The following FIP1L1 variants were observed in gnomAD, a reference collection of about 807,000 sequenced individuals.
FIP1L1 encodes the protein pre-mRNA 3'-end-processing factor FIP1.
FIP1L1 carries 21 observed loss-of-function variants against 84.6 expected under a neutral mutation model. That is an observed-to-expected ratio of 0.25 (90% confidence interval 0.18 to 0.36). The LOEUF (loss-of-function observed/expected upper bound fraction) is 0.36, where lower values mean the gene tolerates loss of function less well. Ranked by LOEUF, FIP1L1 falls within the 10% of genes least tolerant of loss-of-function variation. The pLI is 1.00. For synonymous variants in FIP1L1, 263 were observed against 242.3 expected (o/e 1.09, Z -0.80); for missense variants, 526 against 751.1 (o/e 0.70, Z 3.50).
chr4:53,410,126 C>T (rs1449489521), intron 10 of FIP1L1, among the ~76,000 whole-genome samples: 4 of 152,358 alleles, frequency 2.6e-5, no homozygotes, highest in African/African-American at 4.8e-5. Context: ...CCTATTTGGC[C>T]ACCTTGGCTC....
At chr4:53,406,326 T>C (rs1241602172) in intron 10 of FIP1L1, among the ~76,000 whole-genome samples, 2 of 152,232 alleles carry the variant, frequency 1.3e-5, no homozygotes, top group Non-Finnish European at 2.9e-5. Flanking sequence ...GATTTTCGTA[T>C]ATTGAACCAG....
intron 13 of FIP1L1, among the ~76,000 whole-genome samples, chr4:53,440,109 A>G (rs898722412): frequency 1.3e-5 from 2 of 152,046 alleles, no homozygotes; most frequent in East Asian, 1.9e-4. Context: ...AGAACAGTCA[A>G]CACTTGAATG....
chr4:53,435,318 A>G (rs1768635172), intron 13 of FIP1L1, among the ~76,000 whole-genome samples: 1 of 152,174 alleles, frequency 6.6e-6, no homozygotes, highest in Non-Finnish European at 1.5e-5. Flanking sequence ...TGCACCCTTT[A>G]TAATAGTTAC....
At chr4:53,449,109 T>C (rs1775393860) in intron 15 of FIP1L1, among the ~76,000 whole-genome samples, 1 of 152,086 alleles carries the variant, frequency 6.6e-6, no homozygotes, top group South Asian at 2.1e-4. Flanking sequence ...TTTTGTTTTG[T>C]TTATTTGTTC....
intron 5 of FIP1L1, among the ~76,000 whole-genome samples, chr4:53,385,002 T>C (rs1740155231): frequency 6.6e-6 from 1 of 152,198 alleles, no homozygotes; most frequent in Non-Finnish European, 1.5e-5. Context: ...TAGTCAGTTT[T>C]GTATTATAAT....
At chr4:53,406,899 TTTTCTTCTTTATTAGTC>T (rs1482695444) in intron 10 of FIP1L1, among the ~76,000 whole-genome samples, 2 of 152,198 alleles carry the variant, frequency 1.3e-5, no homozygotes, top group Non-Finnish European at 2.9e-5. Context: ...TTCTTTTCTC[TTTTCTTCTTTATTAGTC>T]TTGCTAGCAG....
rs368745990 is a variant in FIP1L1 at position 53,379,216 on chromosome 4, A to C, written c.131-9A>C. Reference sequence around the variant, plus strand: ...GCTTATTTATTTATTTGTTTATTTTACTTGGTAGATGAAAATGAAGTTGAA... The same window carrying C: ...GCTTATTTATTTATTTGTTTATTTTCCTTGGTAGATGAAAATGAAGTTGAA... On this transcript the variant is annotated splice_polypyrimidine_tract_variant and intron_variant, in intron 2 of 17. Coordinates refer to ENST00000337488, the MANE Select transcript of FIP1L1 (RefSeq NM_030917.4). 8 of 1,605,674 alleles carry C rather than the reference A, an allele frequency of 5.0e-6. No individual in the cohort carries two copies. The African/African-American group carries it at 1.1e-4, about 22-fold the overall frequency.
intron 9 of FIP1L1, among the ~76,000 whole-genome samples, chr4:53,395,125 CAT>C (rs1746535760): frequency 6.6e-6 from 1 of 152,092 alleles, no homozygotes; most frequent in Non-Finnish European, 1.5e-5. Flanking sequence ...GAAATAATCT[CAT>C]TATGTTACTG....
Position 53,460,421 on chromosome 4 carries a change from AATCTT to A in FIP1L1, c.*974_*978del, listed in dbSNP as rs1721738750. On this transcript the variant is annotated 3_prime_UTR_variant, in exon 18 of 18. Transcript: ENST00000337488. ...TTTTAAATAGTGATAATACAAAAGT[AATCTT>A]AATTAGTATCACATACTAAAAGACA... 2 of 189,462 alleles carry A rather than the reference AATCTT, an allele frequency of 1.1e-5. No individual in the cohort carries two copies. Among genetic ancestry groups the A allele is most frequent in the Non-Finnish European group, 1.1e-5 (1 of 90,540 alleles). 11.7% of individuals were successfully genotyped at this position (189,462 alleles called of 1,614,324 possible).
intron 10 of FIP1L1, among the ~76,000 whole-genome samples, chr4:53,406,122 TCA>T (rs1397412105): frequency 1.3e-5 from 2 of 152,220 alleles, no homozygotes; most frequent in African/African-American, 4.8e-5. Context: ...TTTTGCCCAT[TCA>T]GTTTGATATT....
At chr4:53,426,044 G>A (rs1274990403) in intron 12 of FIP1L1, 79 bp downstream of exon 12, 9 of 965,858 alleles carry the variant, frequency 9.3e-6, no homozygotes, top group Middle Eastern at 2.3e-4. Context: ...TCAATAGATA[G>A]TCATAGTGCT....
At chr4:53,430,542 G>A (rs1423322865) in intron 13 of FIP1L1, among the ~76,000 whole-genome samples, 2 of 151,732 alleles carry the variant, frequency 1.3e-5, no homozygotes, top group Admixed American at 6.6e-5. Flanking sequence ...GTTTCGCCAT[G>A]TCCAGGCTGG....
At chr4:53,434,259 CTG>C (rs1312461775) in intron 13 of FIP1L1, among the ~76,000 whole-genome samples, 3 of 151,964 alleles carry the variant, frequency 2.0e-5, no homozygotes, top group South Asian at 2.1e-4. Context: ...TGAAAAATAA[CTG>C]TACTTTTCCT....
intron 10 of FIP1L1, 137 bp downstream of exon 10, chr4:53,399,976 A>T: frequency 1.7e-6 from 1 of 586,556 alleles, no homozygotes; most frequent in East Asian, 2.7e-5. Context: ...TACAAAATGA[A>T]TTCTTCACAA....
At chr4:53,393,607 A>G (rs1203141607) in intron 9 of FIP1L1, among the ~76,000 whole-genome samples, 1 of 152,216 alleles carries the variant, frequency 6.6e-6, no homozygotes, top group Non-Finnish European at 1.5e-5. Context: ...TCAATTGGGT[A>G]CAAAAACAAT....
At chr4:53,414,472 T>C in intron 10 of FIP1L1, 143 bp from the exon 11 acceptor site, 1 of 533,820 alleles carries the variant, frequency 1.9e-6, no homozygotes, top group African/African-American at 1.9e-5. Flanking sequence ...CCACAGCAAG[T>C]AGTTTATATG....
chr4:53,398,564 A>C (rs991314291), intron 9 of FIP1L1, among the ~76,000 whole-genome samples: 16 of 152,204 alleles, frequency 1.1e-4, no homozygotes, highest in African/African-American at 3.1e-4. Flanking sequence ...GGGAAAGGAG[A>C]GTGATGCTGA....
At chr4:53,417,115 T>C (rs1371910886) in intron 11 of FIP1L1, among the ~76,000 whole-genome samples, 1 of 152,264 alleles carries the variant, frequency 6.6e-6, no homozygotes, top group Non-Finnish European at 1.5e-5. Context: ...TATAGTACTT[T>C]ACTTTTGGAC....
At chr4:53,378,954 C>G in intron 1 of FIP1L1, 119 bp from the exon 2 acceptor site, 1 of 971,590 alleles carries the variant, frequency 1.0e-6, no homozygotes, top group South Asian at 1.6e-5. Flanking sequence ...ATCTGGAAAT[C>G]TTCATTACCT....
Sources: gnomAD v4.1 joint callset for allele counts (sites outside exome capture counted in the v4.1 genomes callset) on GRCh38, gnomAD v4.1.1 for gene constraint, MANE v1.5 for transcripts, NCBI Gene and HGNC (gene_info 2026-07-23, HGNC 2026-07-21) for gene names.